The following CPNE6 variants were observed in gnomAD, a reference collection of about 807,000 sequenced individuals.
CPNE6 encodes the protein copine 6.
A neutral mutation model predicts 71.5 loss-of-function variants in CPNE6; 33 were observed. That is an observed-to-expected ratio of 0.46 (90% CI 0.35 to 0.62). The LOEUF is 0.62. CPNE6 is among the 20% of genes least tolerant of loss of function. CPNE6 has a pLI of 0.00. For missense variants in CPNE6, 576 were observed against 747.3 expected, an observed-to-expected ratio of 0.77 and a Z score of 2.67; for synonymous variants, 296 against 293.0, an observed-to-expected ratio of 1.01 and a Z score of -0.10.
chr14:24,076,370 T>C (rs767631782), exon 13 of CPNE6: 1 of 1,614,164 alleles, frequency 6.2e-7, no homozygotes, highest in Non-Finnish European at 8.5e-7. Context: ...TGATAAGCGG[T>C]TCCCAGCTTT....
chr14:24,076,121 G>T (rs1410734286), intron 11 of CPNE6, 28 bp from the exon 11 acceptor site: 1 of 1,607,920 alleles, frequency 6.2e-7, no homozygotes, highest in African/African-American at 1.3e-5. Flanking sequence ...CATGGTTGCA[G>T]CATGACCTTC....
chr14:24,074,888 C>T lies in CPNE6; in HGVS notation c.672+93C>T. On this transcript the variant is annotated intron_variant, in intron 8 of 17. Coordinates refer to ENST00000397016, the Ensembl canonical transcript of CPNE6. The surrounding 1 kb of genome is among the most constrained non-coding windows in gnomAD (Gnocchi z 4.5). The stretch of plus-strand genomic sequence containing the variant: ...TGCATGTGGCAAGCCTCCCTCCTCT[C>T]CCCCAAGTGATAATCACATCCCACT... 1 of 1,014,706 alleles carries T rather than the reference C, an allele frequency of 9.9e-7. No homozygotes were observed. Among genetic ancestry groups the T allele is most frequent in the Non-Finnish European group, 1.5e-6 (1 of 663,046 alleles). The allele number at this position is 1,014,706 out of a possible 1,614,324, so 62.9% of individuals were successfully genotyped here. A position where few individuals can be genotyped will look rare whatever the true frequency, so the allele number is the denominator to read the frequency against.
rs73603060 is a variant in CPNE6 at position 24,074,215 on chromosome 14, C to T, written c.424-76C>T. On this transcript the variant is annotated intron_variant, in intron 5 of 17. Coordinates refer to ENST00000397016, the Ensembl canonical transcript of CPNE6. The surrounding 1 kb of genome is among the most constrained non-coding windows in gnomAD (Gnocchi z 4.5). ...GGTGACATCATGCCCAGGACCACCC[C>T]CACCTAAGGGAAAGGGGATGGGGTG... 531 of 1,596,700 alleles carry T rather than the reference C, an allele frequency of 3.3e-4. 4 individuals carry two copies. In the African/African-American group the frequency reaches 5.8e-3, roughly 18 times the overall value.
At position 24,076,069 on chromosome 14, in the gene CPNE6, C is replaced by A; in HGVS notation, c.925-80C>A. 1.9e-6 allele frequency: 3 copies of A among 1,573,680 alleles called. No homozygotes were observed. In the South Asian group the frequency reaches 3.5e-5, roughly 18 times the overall value. On this transcript the variant is annotated intron_variant, in intron 11 of 17. Coordinates refer to ENST00000397016, the Ensembl canonical transcript of CPNE6. ...CCTCCCCACCACTCATCTTAGTCCT[C>A]CCTACAGATCCCAGCTCTGGCCTAG...
Position 24,077,975 on chromosome 14 carries a change from G to T in CPNE6, c.*125G>T. 1 of 435,690 alleles carries T rather than the reference G, an allele frequency of 2.3e-6. No individual in the cohort carries two copies. Among genetic ancestry groups the T allele is most frequent in the Non-Finnish European group, 4.0e-6 (1 of 247,922 alleles). 27.0% of individuals were successfully genotyped at this position (435,690 alleles called of 1,614,324 possible). A position where few individuals can be genotyped will look rare whatever the true frequency, so the allele number is the denominator to read the frequency against. On this transcript the variant is annotated 3_prime_UTR_variant, in exon 18 of 18. Transcript: ENST00000397016. This position sits in a 1 kb window ranked among gnomAD's most constrained non-coding sequence, Gnocchi z 6.1. ...CCCCTGGGTTCTGGACGTGAGTGGT[G>T]GGTCCTGCTCCTATCTCTCCAAACC...
At position 24,077,675 on chromosome 14, in the gene CPNE6, G is replaced by A; in HGVS notation, c.1619G>A (p.Ser540Asn). The change falls in exon 17 of 18, where the codon AGC becomes AAC. Residue 540 changes from serine (S) to asparagine (N), a missense_variant. By Grantham distance (46) the Ser-to-Asn change is conservative. Transcript: ENST00000397016. The surrounding 1 kb of genome is among the most constrained non-coding windows in gnomAD (Gnocchi z 6.1). ...GAGTACTACGCCAGCCAGGGCATCA[G>A]CCCTGGGGCTCCCAGGCCCTGCACA... The A allele has an allele frequency of 6.3e-7, 1 of 1,589,320 alleles. No homozygotes were observed. The highest frequency in any genetic ancestry group is 8.6e-7 in the Non-Finnish European group (1 of 1,167,636).
Position 24,073,019 on chromosome 14 carries a change from G to T in CPNE6, c.83G>T (p.Cys28Phe). ...TCTCGGGTGGAGCTGCGGGTGTCCT[G>T]CCATGGCCTCCTGGACCGGGACACA... Residue 28 changes from cysteine to phenylalanine, a missense_variant, in exon 3 of 18, where the codon TGC becomes TTC. Transcript: ENST00000397016. This position sits in a 1 kb window ranked among gnomAD's most constrained non-coding sequence, Gnocchi z 5.5. 1 of 1,578,850 alleles carries T rather than the reference G, an allele frequency of 6.3e-7. No homozygotes were observed.
In CPNE6 at chr14:24,077,743, G is replaced by A. The variant is rs367586085; in HGVS notation, c.*13G>A. ...CCCTAGCCCGTGACTGCCTCCCTCC[G>A]GACCGACACTCCCTCAGCCTCTCAG... On this transcript the variant is annotated 3_prime_UTR_variant, in exon 17 of 18. Coordinates refer to ENST00000397016, the Ensembl canonical transcript of CPNE6. The surrounding 1 kb of genome is among the most constrained non-coding windows in gnomAD (Gnocchi z 6.1). 41 of 1,514,414 alleles carry A rather than the reference G, an allele frequency of 2.7e-5. No homozygotes were observed. The highest frequency in any genetic ancestry group is 2.4e-4 in the African/African-American group (17 of 71,754). 93.8% of individuals were successfully genotyped at this position (1,514,414 alleles called of 1,614,324 possible).
chr14:24,074,223 G>C lies in CPNE6; in HGVS notation c.424-68G>C. 6.3e-7 allele frequency: 1 copy of C among 1,594,496 alleles called. No individual in the cohort carries two copies. Among genetic ancestry groups the C allele is most frequent in the Non-Finnish European group, 8.6e-7 (1 of 1,162,226 alleles). ...CATGCCCAGGACCACCCCCACCTAA[G>C]GGAAAGGGGATGGGGTGGCCCTTGT... is the stretch of plus-strand genomic sequence containing the variant. On this transcript the variant is annotated intron_variant, in intron 5 of 17. Coordinates refer to ENST00000397016, the Ensembl canonical transcript of CPNE6. This position sits in a 1 kb window ranked among gnomAD's most constrained non-coding sequence, Gnocchi z 4.5.
chr14:24,075,357 G>A lies in CPNE6; in HGVS notation c.777+81G>A. The A allele has an allele frequency of 7.0e-7, 1 of 1,430,538 alleles. No homozygotes were observed. Among genetic ancestry groups the A allele is most frequent in the Non-Finnish European group, 9.9e-7 (1 of 1,013,446 alleles). The allele number at this position is 1,430,538 out of a possible 1,614,324, so 88.6% of individuals were successfully genotyped here. A position where few individuals can be genotyped will look rare whatever the true frequency, so the allele number is the denominator to read the frequency against. On this transcript the variant is annotated intron_variant, in intron 9 of 17. Coordinates refer to ENST00000397016, the Ensembl canonical transcript of CPNE6. This position sits in a 1 kb window ranked among gnomAD's most constrained non-coding sequence, Gnocchi z 4.3. ...GGGTGATGCTGAAGAGACCACCATAGGTGATAGGAAGTGGAGAGGGTGGAA... is the reference window on the plus strand; with the variant it reads ...GGGTGATGCTGAAGAGACCACCATAAGTGATAGGAAGTGGAGAGGGTGGAA...
intron 12 of CPNE6, 30 bp from the exon 12 acceptor site, chr14:24,076,330 A>G (rs571120777): frequency 3.0e-5 from 48 of 1,614,208 alleles, no homozygotes; most frequent in Admixed American, 8.3e-5. Flanking sequence ...GCCTTGCCCA[A>G]CGGATTCCAC....
intron 14 of CPNE6, 144 bp from the exon 14 acceptor site, chr14:24,076,735 G>C: frequency 6.8e-7 from 1 of 1,471,088 alleles, no homozygotes; most frequent in Non-Finnish European, 9.4e-7. Context: ...CCCTGCCAAG[G>C]GACCATCCAA....
chr14:24,071,870 C>T (rs2035913892), intron 2 of CPNE6: 4 of 509,418 alleles, frequency 7.9e-6, no homozygotes, highest in Non-Finnish European at 1.4e-5. Flanking sequence ...CAGAAAGGCA[C>T]ACACTGTGGG....
Position 24,073,472 on chromosome 14 carries a change from C to G in CPNE6, c.169-27C>G. The G allele has an allele frequency of 1.4e-5, 22 of 1,605,294 alleles. No homozygotes were observed. The highest frequency in any genetic ancestry group is 1.9e-5 in the Non-Finnish European group (22 of 1,175,238). On this transcript the variant is annotated intron_variant, in intron 3 of 17. Coordinates refer to ENST00000397016, the Ensembl canonical transcript of CPNE6. The surrounding 1 kb of genome is among the most constrained non-coding windows in gnomAD (Gnocchi z 5.5). ...AAGTATCCTCGGTTCCCAGACAGCC[C>G]TCGCCTCCCTTCAACCACTACCACA...
chr14:24,075,598 T>C lies in CPNE6; in HGVS notation c.864+7T>C. On this transcript the variant is annotated splice_region_variant and intron_variant, in intron 10 of 17. Coordinates refer to ENST00000397016, the Ensembl canonical transcript of CPNE6. This position sits in a 1 kb window ranked among gnomAD's most constrained non-coding sequence, Gnocchi z 4.3. ...AGTGCTGGCCCAGTGCACGGTAAATTTCACTTCCTGCTTCAAGCCTTGCCC... is the reference window on the plus strand; with the variant it reads ...AGTGCTGGCCCAGTGCACGGTAAATCTCACTTCCTGCTTCAAGCCTTGCCC... 2 of 1,605,348 alleles carry C rather than the reference T, an allele frequency of 1.2e-6. No individual in the cohort carries two copies. Among genetic ancestry groups the C allele is most frequent in the South Asian group, 2.2e-5 (2 of 89,740 alleles).
At chr14:24,071,161 C>A in intron 1 of CPNE6, 2 of 1,091,468 alleles carry the variant, frequency 1.8e-6, no homozygotes, top group Non-Finnish European at 2.6e-6. Context: ...GTGTATCCGC[C>A]GGGGGCTGTA....
intron 1 of CPNE6, chr14:24,071,284 T>C (rs2035888218): frequency 7.6e-7 from 1 of 1,318,092 alleles, no homozygotes; most frequent in Admixed American, 2.8e-5. Flanking sequence ...TTTGAATGTG[T>C]ATGTGCATGC....
At chr14:24,070,996 A>G (rs2035878295) in exon 1 of CPNE6, 1 of 1,535,568 alleles carries the variant, frequency 6.5e-7, no homozygotes, top group Non-Finnish European at 8.7e-7. Context: ...GCTTTTAAGG[A>G]GCACGGGAAG....
rs1292130629 is a variant in CPNE6, at chr14:24,075,642, C to T, written c.864+51C>T. ...CTTGCCCCAGCCCCTGCCCCTACCA[C>T]ACTCTCAGGTTCAACCCTTCCCTTG... On this transcript the variant is annotated intron_variant, in intron 10 of 17. Transcript: ENST00000397016. The surrounding 1 kb of genome is among the most constrained non-coding windows in gnomAD (Gnocchi z 4.3). 6.7e-7 allele frequency: 1 copy of T among 1,489,026 alleles called. No homozygotes were observed. Among genetic ancestry groups the T allele is most frequent in the East Asian group, 2.3e-5 (1 of 43,140 alleles). 92.2% of individuals were successfully genotyped at this position (1,489,026 alleles called of 1,614,324 possible). A position where few individuals can be genotyped will look rare whatever the true frequency, so the allele number is the denominator to read the frequency against.
Sources: allele counts gnomAD v4.1 joint callset, GRCh38; gene constraint gnomAD v4.1.1; non-coding constraint Gnocchi (gnomAD v3.1); transcripts MANE v1.5; gene names NCBI Gene and HGNC (gene_info 2026-07-23, HGNC 2026-07-21).